The following DIS3L2 variants were observed in gnomAD, a reference collection of about 807,000 sequenced individuals.
The protein encoded by DIS3L2 is DIS3-like exonuclease 2.
Under a neutral mutation model 97.5 loss-of-function variants are expected in DIS3L2, and 34 were observed. That is an observed-to-expected ratio of 0.35 (90% CI 0.27 to 0.46). The LOEUF (loss-of-function observed/expected upper bound fraction) is 0.46. Ranked by LOEUF, DIS3L2 falls within the 20% of genes least tolerant of loss-of-function variation. DIS3L2 has a pLI of 1.00. For missense variants in DIS3L2, 1,038 were observed against 1,146.0 expected (o/e 0.91, Z 1.36); for synonymous variants, 435 against 445.2 (o/e 0.98, Z 0.29).
chr2:231,993,037 C>T (rs1693627835), intron 1 of DIS3L2, among the ~76,000 whole-genome samples: 1 of 152,098 alleles, frequency 6.6e-6, no homozygotes, highest in Admixed American at 6.6e-5. Flanking sequence ...TCTGGTGACT[C>T]CCAAATTTGC....
At chr2:231,972,192 AAAAAATAAAAAATAAAT>A (rs1262096117) in intron 1 of DIS3L2, among the ~76,000 whole-genome samples, 1 of 152,078 alleles carries the variant, frequency 6.6e-6, no homozygotes, top group Non-Finnish European at 1.5e-5. Context: ...TCAAAAAATA[AAAAAATAAAAAATAAAT>A]AAAAATAAAA....
chr2:232,262,791 C>A lies in DIS3L2; in HGVS notation c.1426-416C>A, dbSNP rs73996954. Among the ~76,000 whole-genome samples the A allele has an allele frequency of 6.7e-3, 1,015 of 152,302 alleles. 18 individuals carry two copies. The highest frequency in any genetic ancestry group is 0.023 in the African/African-American group (960 of 41,552). ...CTTTTTGTCAGTGGCCCCACCTCCCCCTTCTCCCTCACTCCACATCCGAGC... is the reference window on the plus strand; with the variant it reads ...CTTTTTGTCAGTGGCCCCACCTCCCACTTCTCCCTCACTCCACATCCGAGC... On this transcript the variant is annotated intron_variant, in intron 12 of 20. Transcript: ENST00000325385.
intron 9 of DIS3L2, among the ~76,000 whole-genome samples, chr2:232,205,927 C>A (rs754180039): frequency 6.6e-6 from 1 of 152,160 alleles, no homozygotes; most frequent in Admixed American, 6.5e-5. Context: ...TAAGTGTACT[C>A]TATAAAAGGA....
intron 12 of DIS3L2, among the ~76,000 whole-genome samples, chr2:232,251,170 C>T (rs1403015561): frequency 6.6e-6 from 1 of 151,916 alleles, no homozygotes; most frequent in Non-Finnish European, 1.5e-5. Flanking sequence ...GGAGTACAAA[C>T]AAAACAGGAA....
chr2:232,036,090 C>G lies in DIS3L2; in HGVS notation c.366+6010C>G, dbSNP rs570562480. ...CCTGTCTTGCTAGGTTGGGGAAGTT[C>G]TGGATAATATCCTGAAGTGTGTTTT... On this transcript the variant is annotated intron_variant, in intron 5 of 20. Coordinates refer to ENST00000325385, the MANE Select transcript of DIS3L2 (RefSeq NM_152383.5). 3.3e-4 allele frequency among the ~76,000 whole-genome samples: 51 copies of G among 152,292 alleles called. 1 individual carries two copies. Among genetic ancestry groups the G allele is most frequent in the Non-Finnish European group, 5.4e-4 (37 of 68,028 alleles).
intron 8 of DIS3L2, among the ~76,000 whole-genome samples, chr2:232,139,371 A>G (rs370072451): frequency 6.6e-6 from 1 of 152,170 alleles, no homozygotes; most frequent in South Asian, 2.1e-4. Flanking sequence ...CCAAAATGGC[A>G]CTGCCAGTCC....
rs753952840 is a variant in DIS3L2 at position 232,334,393 on chromosome 2, C to T, written c.2183C>T (p.Ala728Val). 16 of 1,613,518 alleles carry T rather than the reference C, an allele frequency of 9.9e-6. No individual in the cohort carries two copies. Among genetic ancestry groups the T allele is most frequent in the South Asian group, 4.4e-5 (4 of 91,090 alleles). ...GGCTATAGGGAGCGACTAGACATGG[C>T]GCCCGATACCCTGCAGAAACAGGCG... The part of the protein sequence containing the change: ...ALGYRERLDM[A>V]PDTLQKQADH... Residue 728 changes from alanine to valine, a missense_variant, in exon 18 of 21, where the codon GCG (alanine) becomes GTG (valine). Physicochemically the swap from Ala to Val is moderately conservative, Grantham distance 64. Transcript: ENST00000325385.
chr2:232,023,423 C>T (rs940609217), intron 3 of DIS3L2, among the ~76,000 whole-genome samples: 1 of 152,102 alleles, frequency 6.6e-6, no homozygotes, highest in African/African-American at 2.4e-5. Context: ...AGTCTTTAAA[C>T]GTTTTAGGGA....
intron 14 of DIS3L2, among the ~76,000 whole-genome samples, chr2:232,304,460 A>T (rs1482764569): frequency 6.6e-6 from 1 of 152,220 alleles, no homozygotes; most frequent in Non-Finnish European, 1.5e-5. Flanking sequence ...GTGGGATGAT[A>T]TGCACTTTGG....
intron 5 of DIS3L2, among the ~76,000 whole-genome samples, chr2:232,068,231 C>T (rs1488840045): frequency 6.6e-6 from 1 of 151,852 alleles, no homozygotes; most frequent in African/African-American, 2.4e-5. Flanking sequence ...TTACAGTATG[C>T]CAGAAACCAC....
chr2:231,989,345 G>GTGTC (rs1431385969), intron 1 of DIS3L2, among the ~76,000 whole-genome samples: 1 of 137,914 alleles, frequency 7.3e-6, no homozygotes, highest in African/African-American at 2.8e-5. Flanking sequence ...ATAATTGTGT[G>GTGTC]TGTGTGTGTG....
chr2:232,006,345 A>G (rs1694052882), intron 1 of DIS3L2, among the ~76,000 whole-genome samples: 1 of 152,254 alleles, frequency 6.6e-6, no homozygotes, highest in Non-Finnish European at 1.5e-5. Flanking sequence ...ACCTGAATTC[A>G]GACAGTGCTA....
At chr2:232,272,580 G>C (rs1396513379) in intron 13 of DIS3L2, among the ~76,000 whole-genome samples, 2 of 152,210 alleles carry the variant, frequency 1.3e-5, no homozygotes, top group Non-Finnish European at 2.9e-5. Flanking sequence ...TCCTCTCTCT[G>C]AGTGCTGAAC....
At chr2:232,005,235 C>T (rs1003244238) in intron 1 of DIS3L2, among the ~76,000 whole-genome samples, 16 of 134,200 alleles carry the variant, frequency 1.2e-4, no homozygotes, top group Non-Finnish European at 1.5e-5. Flanking sequence ...GTTCAGATTG[C>T]GTCTTGTCTC....
intron 1 of DIS3L2, among the ~76,000 whole-genome samples, chr2:231,999,321 T>C (rs911765344): frequency 6.6e-6 from 1 of 152,210 alleles, no homozygotes; most frequent in Non-Finnish European, 1.5e-5. Flanking sequence ...AACTGAGATC[T>C]AGGCACTAGA....
intron 6 of DIS3L2, among the ~76,000 whole-genome samples, chr2:232,099,824 C>A (rs762727665): frequency 6.6e-6 from 1 of 152,178 alleles, no homozygotes; most frequent in Non-Finnish European, 1.5e-5. Context: ...GGGAATTTAT[C>A]CATTCAACTT....
chr2:231,984,915 C>T (rs944338307), intron 1 of DIS3L2, among the ~76,000 whole-genome samples: 2 of 152,168 alleles, frequency 1.3e-5, no homozygotes, highest in Non-Finnish European at 2.9e-5. Flanking sequence ...GCCACTGTGC[C>T]CGGCAAATTA....
rs766737538 is a variant in DIS3L2, at chr2:232,040,375, C to T, written c.366+10295C>T. Among the ~76,000 whole-genome samples, 102 of 152,110 alleles carry T rather than the reference C, an allele frequency of 6.7e-4. 1 individual carries two copies. The highest frequency in any genetic ancestry group is 6.7e-3 in the Admixed American group (102 of 15,282). ...CTAACTCTTCTGAGGATCCTGCCCT[C>T]AAGGGAAACTGAAAGGGGGACCATG... On this transcript the variant is annotated intron_variant, in intron 5 of 20. Transcript: ENST00000325385.
chr2:232,009,867 C>T (rs1694148418), intron 1 of DIS3L2, among the ~76,000 whole-genome samples: 1 of 152,186 alleles, frequency 6.6e-6, no homozygotes. Flanking sequence ...GCATTGCAAA[C>T]TCAAGTTAGC....
Sources: allele counts gnomAD v4.1 joint callset (sites outside exome capture counted in the v4.1 genomes callset), GRCh38; gene constraint gnomAD v4.1.1; transcripts MANE v1.5; gene names NCBI Gene and HGNC (gene_info 2026-07-23, HGNC 2026-07-21).